The following SSH2 variants were observed in gnomAD, a reference collection of about 807,000 sequenced individuals.
SSH2 encodes protein phosphatase Slingshot homolog 2.
A neutral mutation model predicts 135.2 loss-of-function variants in SSH2; 37 were observed. The ratio of observed to expected loss-of-function variants is 0.27; its 90% CI spans 0.21 to 0.36. The LOEUF (loss-of-function observed/expected upper bound fraction) is 0.36. Among genes scored for constraint, SSH2 ranks in the 10% least tolerant of loss-of-function variants. The pLI is 1.00. For synonymous variants in SSH2, 628 were observed against 646.2 expected (o/e 0.97, Z 0.43); for missense variants, 1,408 against 1,765.3 (o/e 0.80, Z 3.63).
chr17:29,905,192 C>T (rs1471829962), intron 1 of SSH2, among the ~76,000 whole-genome samples: 1 of 152,088 alleles, frequency 6.6e-6, no homozygotes. Context: ...CCAAGACAAT[C>T]CCAAGCAAAA....
At chr17:29,650,300 T>C (rs1414986032) in intron 13 of SSH2, among the ~76,000 whole-genome samples, 2 of 152,256 alleles carry the variant, frequency 1.3e-5, no homozygotes, top group African/African-American at 4.8e-5. Context: ...ATTCTATCTA[T>C]CTGAAATAAT....
At chr17:29,764,432 T>C (rs2151262237) in intron 3 of SSH2, among the ~76,000 whole-genome samples, 1 of 152,364 alleles carries the variant, frequency 6.6e-6, no homozygotes, top group African/African-American at 2.4e-5. Flanking sequence ...TTCTTTACTC[T>C]CCACTGTCGG....
At chr17:29,775,775 G>T (rs191419170) in intron 3 of SSH2, 1 of 152,058 alleles carries the variant, frequency 6.6e-6, no homozygotes, top group Non-Finnish European at 1.5e-5. Flanking sequence ...TACTCTATCC[G>T]TGCCCTTGAG....
chr17:29,635,979 C>G lies in SSH2; in HGVS notation c.2251G>C (p.Glu751Gln). The change falls in exon 15 of 16, where the codon GAA (glutamate) becomes CAA (glutamine). Residue 751 changes from glutamate to glutamine, a missense_variant. Physicochemically the swap from Glu to Gln is conservative, Grantham distance 29. Transcript: ENST00000540801. ...AAGACAGTTTTTACCTTTGACTGTT[C>G]CTCATCCATTGAAGATTCTTCTGAT... is the stretch of plus-strand genomic sequence containing the variant. ...HASEESSMDE[E>Q]QSKAISELVS... 6.2e-7 allele frequency: 1 copy of G among 1,610,642 alleles called. No individual in the cohort carries two copies. The highest frequency in any genetic ancestry group is 1.3e-5 in the African/African-American group (1 of 74,904).
intron 3 of SSH2, among the ~76,000 whole-genome samples, chr17:29,733,674 C>A (rs1422310456): frequency 6.6e-6 from 1 of 151,984 alleles, no homozygotes; most frequent in Non-Finnish European, 1.5e-5. Context: ...TTTATGTATT[C>A]ATTTTCCAAT....
In SSH2 at chr17:29,637,780, C is replaced by CA. The variant is rs575600781; in HGVS notation, c.1428-979dup. 5.7e-3 allele frequency among the ~76,000 whole-genome samples: 809 copies of CA among 142,982 alleles called. 8 individuals carry two copies. The highest frequency in any genetic ancestry group is 0.018 in the South Asian group (80 of 4,528). The allele number at this position is 142,982 out of a possible 152,430, so 93.8% of individuals were successfully genotyped here. A position where few individuals can be genotyped will look rare whatever the true frequency, so the allele number is the denominator to read the frequency against. The stretch of plus-strand genomic sequence containing the variant: ...TGGGTGACTGAGTGATCCCTTGTCT[C>CA]AAAAAAAAAATAAAAAATAAAAATA... On this transcript the variant is annotated intron_variant, in intron 14 of 15. Transcript: ENST00000540801.
chr17:29,872,396 C>A (rs561131074), intron 1 of SSH2, among the ~76,000 whole-genome samples: 1 of 152,134 alleles, frequency 6.6e-6, no homozygotes, highest in Non-Finnish European at 1.5e-5. Flanking sequence ...AGAAATCTCC[C>A]TCCCTCCCAA....
intron 3 of SSH2, among the ~76,000 whole-genome samples, chr17:29,740,214 T>C (rs991033382): frequency 5.9e-5 from 9 of 152,198 alleles, no homozygotes; most frequent in African/African-American, 1.9e-4. Context: ...AGAGATCCGA[T>C]CTGAAGAGAA....
At chr17:29,637,644 T>G (rs2035965334) in intron 14 of SSH2, among the ~76,000 whole-genome samples, 1 of 150,738 alleles carries the variant, frequency 6.6e-6, no homozygotes, top group Non-Finnish European at 1.5e-5. Context: ...TATCCAGGTG[T>G]GGTGGCGTAT....
chr17:29,870,439 C>T (rs1189885597), intron 1 of SSH2, among the ~76,000 whole-genome samples: 1 of 151,972 alleles, frequency 6.6e-6, no homozygotes, highest in African/African-American at 2.4e-5. Context: ...GGCCAGGGTA[C>T]GAAAGTAGAG....
intron 3 of SSH2, among the ~76,000 whole-genome samples, chr17:29,731,356 C>T (rs1022965658): frequency 1.3e-5 from 2 of 151,830 alleles, no homozygotes; most frequent in Non-Finnish European, 2.9e-5. Flanking sequence ...ATGAGATCAC[C>T]ATATTTCTAT....
intron 9 of SSH2, among the ~76,000 whole-genome samples, chr17:29,667,933 A>G (rs2037344886): frequency 6.6e-6 from 1 of 152,182 alleles, no homozygotes; most frequent in Admixed American, 6.5e-5. Flanking sequence ...TTAATATGAA[A>G]TCAAACTAGG....
At position 29,632,687 on chromosome 17, in the gene SSH2, G is replaced by C. The variant is rs1480523501; in HGVS notation, c.2507C>G (p.Ser836Cys). The change falls in exon 16 of 16, where the codon TCC becomes TGC. Residue 836 changes from serine to cysteine, a missense_variant. Physicochemically the swap from Ser to Cys is moderately radical, Grantham distance 112. Coordinates refer to ENST00000540801, the MANE Select transcript of SSH2 (RefSeq NM_001282129.2). ...KPGHMEQDED[S>C]CTAQPELAKD... is the part of the protein sequence containing the mutation. ...GGCTAGTTCAGGCTGGGCTGTGCAG[G>C]AGTCCTCATCTTGCTCCATATGTCC... 5.6e-6 allele frequency: 9 copies of C among 1,614,020 alleles called. No homozygotes were observed. Among genetic ancestry groups the C allele is most frequent in the Non-Finnish European group, 6.8e-6 (8 of 1,180,042 alleles).
chr17:29,918,675 G>A lies in SSH2; in HGVS notation c.63+11263C>T, dbSNP rs573482743. ...CTTTTGACTGGGCACTGTGGCTCAC[G>A]CCTGTAATCCCAACACTTTGGGAGG... is the stretch of plus-strand genomic sequence containing the variant. On this transcript the variant is annotated intron_variant, in intron 1 of 15. Coordinates refer to ENST00000540801, the MANE Select transcript of SSH2 (RefSeq NM_001282129.2). Among the ~76,000 whole-genome samples, 11 of 152,250 alleles carry A rather than the reference G, an allele frequency of 7.2e-5. No individual in the cohort carries two copies. The South Asian group carries it at 1.0e-3, about 14-fold the overall frequency.
chr17:29,872,733 A>G (rs2065958912), intron 1 of SSH2, among the ~76,000 whole-genome samples: 1 of 152,232 alleles, frequency 6.6e-6, no homozygotes, highest in Non-Finnish European at 1.5e-5. Context: ...GGGGTGGCTC[A>G]CGCCTGTAAT....
At chr17:29,876,878 C>G (rs1179867629) in intron 1 of SSH2, among the ~76,000 whole-genome samples, 1 of 151,642 alleles carries the variant, frequency 6.6e-6, no homozygotes. Flanking sequence ...GGGATCACAT[C>G]AAGGCAAAAA....
chr17:29,768,564 G>A (rs1163971921), intron 3 of SSH2, among the ~76,000 whole-genome samples: 1 of 152,110 alleles, frequency 6.6e-6, no homozygotes, highest in African/African-American at 2.4e-5. Context: ...GAATCATCAT[G>A]CCTGGCTGGT....
chr17:29,778,596 C>T (rs925572462), intron 3 of SSH2, among the ~76,000 whole-genome samples: 17 of 151,322 alleles, frequency 1.1e-4, no homozygotes, highest in Non-Finnish European at 2.2e-4. Flanking sequence ...GCCGAGATCA[C>T]GCCACTGCAC....
At chr17:29,663,486 A>C in intron 11 of SSH2, among the ~76,000 whole-genome samples, 1 of 152,262 alleles carries the variant, frequency 6.6e-6, no homozygotes, top group African/African-American at 2.4e-5. Flanking sequence ...AAGTATAATA[A>C]GATGTTTAGA....
Sources: allele counts gnomAD v4.1 joint callset (sites outside exome capture counted in the v4.1 genomes callset), GRCh38; gene constraint gnomAD v4.1.1; transcripts MANE v1.5; gene names NCBI Gene and HGNC (gene_info 2026-07-23, HGNC 2026-07-21).